The following COL4A5 variants were observed in gnomAD, a reference collection of about 807,000 sequenced individuals.
The protein encoded by COL4A5 is collagen alpha-5(IV) chain.
COL4A5 carries 26 observed loss-of-function variants against 130.2 expected under a neutral mutation model. That is an observed-to-expected ratio of 0.20 (90% CI 0.15 to 0.28). The LOEUF is 0.28. COL4A5 is among the 10% of genes least tolerant of loss of function. The pLI is 1.00. For synonymous variants in COL4A5, 496 were observed against 439.6 expected (o/e 1.13, Z -1.60); for missense variants, 1,131 against 1,344.3 (o/e 0.84, Z 2.48).
intron 36 of COL4A5, among the ~76,000 whole-genome samples, chrX:108,650,509 A>AT (rs2067702780): frequency 8.9e-6 from 1 of 112,134 alleles, no homozygotes; most frequent in Admixed American, 9.5e-5. Flanking sequence ...GCAGTTGCAA[A>AT]ATTATGGAAC....
rs2068753185 is a variant in COL4A5 at position 108,697,382 on chromosome X, T to A, written c.*1004T>A. 2 of 111,043 alleles carry A rather than the reference T, an allele frequency of 1.8e-5. No individual in the cohort carries two copies. The highest frequency in any genetic ancestry group is 6.5e-5 in the African/African-American group (2 of 30,674). 9.2% of individuals were successfully genotyped at this position (111,043 alleles called of 1,213,427 possible). On this transcript the variant is annotated 3_prime_UTR_variant, in exon 53 of 53. Coordinates refer to ENST00000328300, the MANE Select transcript of COL4A5 (RefSeq NM_033380.3). The stretch of plus-strand genomic sequence containing the variant: ...GGGAAACAACACTTGGTTAGTCTCT[T>A]TTAAGTTACAAAAAGCCAATTGATG...
intron 37 of COL4A5, among the ~76,000 whole-genome samples, chrX:108,659,964 GT>G (rs1336654129): frequency 9.0e-6 from 1 of 110,605 alleles, no homozygotes; most frequent in African/African-American, 3.3e-5. Context: ...TTCCTGTTCT[GT>G]TTGGGTTCAT....
chrX:108,571,367 C>T (rs2066062055), intron 6 of COL4A5, 46 bp from the exon 7 acceptor site: 2 of 962,955 alleles, frequency 2.1e-6, no homozygotes, highest in Admixed American at 4.4e-5. Context: ...TATAGTTATT[C>T]TTTGTTTCTT....
At chrX:108,616,048 T>C (rs1003469179) in intron 30 of COL4A5, among the ~76,000 whole-genome samples, 3 of 111,962 alleles carry the variant, frequency 2.7e-5, no homozygotes, top group African/African-American at 9.7e-5. Context: ...CTTTTTATGG[T>C]CCCTGACATG....
In COL4A5 at chrX:108,580,153, T is replaced by C. The variant is rs948328213; in HGVS notation, c.781-380T>C. On this transcript the variant is annotated intron_variant, in intron 13 of 52. Coordinates refer to ENST00000328300, the MANE Select transcript of COL4A5 (RefSeq NM_033380.3). ...GGGGTACATGTACAGGTTTGTCACA[T>C]AGGTATATTGTGTGATGCTGAGGTT... is the stretch of plus-strand genomic sequence containing the variant. Among the ~76,000 whole-genome samples, 4 of 111,507 alleles carry C rather than the reference T, an allele frequency of 3.6e-5. No homozygotes were observed. The South Asian group carries it at 1.1e-3, about 31-fold the overall frequency.
chrX:108,600,098 G>T (rs2066600323), intron 25 of COL4A5, among the ~76,000 whole-genome samples: 1 of 112,304 alleles, frequency 8.9e-6, no homozygotes, highest in South Asian at 3.6e-4. Context: ...TTAAAGTTTA[G>T]CACCTTTTCA....
chrX:108,644,356 T>C (rs1279614182), intron 36 of COL4A5, among the ~76,000 whole-genome samples: 1 of 111,568 alleles, frequency 9.0e-6, no homozygotes, highest in Non-Finnish European at 1.9e-5. Context: ...AAAGAAACAA[T>C]AGATTTAAAC....
In COL4A5 at chrX:108,697,340, T is replaced by A. The variant is rs2068752502; in HGVS notation, c.*962T>A. On this transcript the variant is annotated 3_prime_UTR_variant, in exon 53 of 53. Transcript: ENST00000328300. Reference sequence around the variant, plus strand: ...CTTATGTAAGAATCCTCCTGTGGCCTCTGCTTGTACAGAACTGGGAAACAA... The same window carrying A: ...CTTATGTAAGAATCCTCCTGTGGCCACTGCTTGTACAGAACTGGGAAACAA... 1 of 110,688 alleles carries A rather than the reference T, an allele frequency of 9.0e-6. No individual in the cohort carries two copies. Among genetic ancestry groups the A allele is most frequent in the South Asian group, 3.8e-4 (1 of 2,632 alleles). 9.1% of individuals were successfully genotyped at this position (110,688 alleles called of 1,213,427 possible).
In COL4A5 at chrX:108,674,749, T is replaced by C. The variant is rs2068272314; in HGVS notation, c.3804T>C (p.Phe1268=). 3.7e-5 allele frequency: 45 copies of C among 1,204,843 alleles called. No individual in the cohort carries two copies. Among genetic ancestry groups the C allele is most frequent in the Non-Finnish European group, 4.9e-5 (44 of 891,924 alleles). ...GGTGAACTCTGATCTTCCCAGGTTT[T>C]CAAGGTTAGACTCTTCACTGGTCAA... ...GPPGRPGPTG[F]QGLPGPEGPP... is the part of the protein sequence containing the mutation. Residue 1268 remains phenylalanine, a synonymous_variant, in exon 43 of 53, where the codon TTT becomes TTC. Transcript: ENST00000328300.
chrX:108,511,315 G>T (rs1480908149), intron 1 of COL4A5, among the ~76,000 whole-genome samples: 1 of 111,541 alleles, frequency 9.0e-6, no homozygotes, highest in East Asian at 2.8e-4. Flanking sequence ...GATGCATTCA[G>T]AAATAAATTG....
rs763452090 is a variant in COL4A5 at position 108,492,781 on chromosome X, A to G, written c.82-46965A>G. 2.7e-5 allele frequency among the ~76,000 whole-genome samples: 3 copies of G among 111,863 alleles called. No individual in the cohort carries two copies. The South Asian group carries it at 1.1e-3, about 42-fold the overall frequency. On this transcript the variant is annotated intron_variant, in intron 1 of 52. Transcript: ENST00000328300. ...TAGTTTTCATTTTATCTTGTGATAT[A>G]TGATATATGGAAGCTAACTCATTTC...
chrX:108,527,990 G>A (rs1293527122), intron 1 of COL4A5, among the ~76,000 whole-genome samples: 3 of 111,812 alleles, frequency 2.7e-5, no homozygotes, highest in African/African-American at 9.8e-5. Flanking sequence ...GCTGCCCAGG[G>A]ACTGAAGAAC....
chrX:108,457,971 T>G (rs1489443033), intron 1 of COL4A5, among the ~76,000 whole-genome samples: 3 of 112,143 alleles, frequency 2.7e-5, no homozygotes, highest in African/African-American at 9.7e-5. Flanking sequence ...ATTCTGCATA[T>G]AATATATTCA....
intron 37 of COL4A5, among the ~76,000 whole-genome samples, chrX:108,657,827 A>G: frequency 9.0e-6 from 1 of 111,593 alleles, no homozygotes; most frequent in Non-Finnish European, 1.9e-5. Context: ...TATTGAAATA[A>G]TATATGAGAA....
intron 1 of COL4A5, among the ~76,000 whole-genome samples, chrX:108,517,060 T>C (rs112821589): frequency 8.0e-5 from 9 of 112,062 alleles, no homozygotes; most frequent in African/African-American, 2.9e-4. Flanking sequence ...AATATACAAA[T>C]GTTCATCATC....
intron 37 of COL4A5, among the ~76,000 whole-genome samples, chrX:108,658,256 A>G (rs184187780): frequency 1.5e-3 from 173 of 111,718 alleles, no homozygotes; most frequent in African/African-American, 5.4e-3. Context: ...AATTACACTG[A>G]TTGATATTTT....
Position 108,574,124 on chromosome X carries a change from A to G in COL4A5, c.546+470A>G, listed in dbSNP as rs147874712. On this transcript the variant is annotated intron_variant, in intron 9 of 52. Coordinates refer to ENST00000328300, the MANE Select transcript of COL4A5 (RefSeq NM_033380.3). ...TCTTAAGAAAAAAATTTTAGCCTAC[A>G]GAAAACATGCATAGAGAGAGCAGTA... Among the ~76,000 whole-genome samples the G allele has an allele frequency of 2.4e-3, 265 of 111,829 alleles. 1 individual carries two copies. Among genetic ancestry groups the G allele is most frequent in the African/African-American group, 8.3e-3 (256 of 30,840 alleles).
chrX:108,478,926 G>T (rs774247375), intron 1 of COL4A5, among the ~76,000 whole-genome samples: 3 of 112,124 alleles, frequency 2.7e-5, no homozygotes, highest in African/African-American at 9.7e-5. Context: ...CCGAGGAATG[G>T]TGCCATATCG....
At chrX:108,503,994 T>C (rs1418282261) in intron 1 of COL4A5, among the ~76,000 whole-genome samples, 2 of 112,241 alleles carry the variant, frequency 1.8e-5, no homozygotes, top group South Asian at 7.3e-4. Context: ...CTTCAAATTA[T>C]ACTATAAGGC....
Sources: gnomAD v4.1 joint callset for allele counts (sites outside exome capture counted in the v4.1 genomes callset) on GRCh38, gnomAD v4.1.1 for gene constraint, MANE v1.5 for transcripts, NCBI Gene and HGNC (gene_info 2026-07-23, HGNC 2026-07-21) for gene names.